NEBL: variants seen among roughly 807,000 people sequenced by gnomAD.
NEBL encodes nebulette.
NEBL carries 122 observed loss-of-function variants against 140.2 expected under a neutral mutation model. The observed-to-expected ratio is 0.87, with a 90% confidence interval of 0.75 to 1.01. The LOEUF is 1.01. Among genes scored for constraint, NEBL ranks in the 50% least tolerant of loss-of-function variants. NEBL has a pLI of 0.00. For missense variants in NEBL, 1,365 were observed against 1,231.3 expected (o/e 1.11, Z -1.62); for synonymous variants, 436 against 398.9 (o/e 1.09, Z -1.11).
chr10:20,845,331 C>A lies in NEBL; in HGVS notation c.1154G>T (p.Gly385Val). 6.2e-7 allele frequency: 1 copy of A among 1,603,950 alleles called. No individual in the cohort carries two copies. Among genetic ancestry groups the A allele is most frequent in the Non-Finnish European group, 8.5e-7 (1 of 1,171,226 alleles). Residue 385 changes from glycine (G) to valine (V), a missense_variant, in exon 12 of 28, where the codon GGA (glycine) becomes GTA (valine). Coordinates refer to ENST00000377122, the MANE Select transcript of NEBL (RefSeq NM_006393.3). ...CTTGTCTAAATCCAGTGATGACCTT[C>A]CTTTAATCTCCTTCTCAAAATCCTC... is the stretch of plus-strand genomic sequence containing the variant. ...YKEDFEKEIKGRSSLDLDKTP... is the reference protein window; with the variant it reads ...YKEDFEKEIKVRSSLDLDKTP...
chr10:21,194,502 T>C (rs1841619890), intron 3 of NEBL, among the ~76,000 whole-genome samples: 2 of 152,330 alleles, frequency 1.3e-5, no homozygotes, highest in Admixed American at 1.3e-4. Context: ...ACTGATCACC[T>C]TTAAAGAATT....
chr10:21,220,045 T>C (rs1460573922), intron 3 of NEBL, among the ~76,000 whole-genome samples: 1 of 152,100 alleles, frequency 6.6e-6, no homozygotes, highest in Non-Finnish European at 1.5e-5. Flanking sequence ...CCCAAGTAGC[T>C]GGGATTACAG....
chr10:20,808,634 G>C lies in NEBL; in HGVS notation c.2637C>G (p.His879Gln), dbSNP rs1837844110. The part of the protein sequence containing the change: ...LSEKASHYRR[H>Q]WSRSHSSSTF... ...TACTGCTGGAATGGGATCGAGACCAGTGTCGCCTATAGTGACTCGCCTTTT... is the reference window on the plus strand; with the variant it reads ...TACTGCTGGAATGGGATCGAGACCACTGTCGCCTATAGTGACTCGCCTTTT... Residue 879 changes from histidine (H) to glutamine (Q), a missense_variant, in exon 26 of 28, where the codon CAC (histidine) becomes CAG (glutamine). Physicochemically the swap from His to Gln is conservative, Grantham distance 24. Transcript: ENST00000377122. 6.2e-7 allele frequency: 1 copy of C among 1,613,334 alleles called. No homozygotes were observed.
At chr10:21,209,467 T>G (rs1201268566) in intron 3 of NEBL, among the ~76,000 whole-genome samples, 1 of 152,084 alleles carries the variant, frequency 6.6e-6, no homozygotes, top group East Asian at 1.9e-4. Flanking sequence ...ATTGCCCCTC[T>G]GAAAAAAGTC....
At chr10:20,860,368 T>C (rs995952067) in intron 7 of NEBL, among the ~76,000 whole-genome samples, 5 of 152,018 alleles carry the variant, frequency 3.3e-5, no homozygotes, top group East Asian at 1.9e-4. Context: ...CTTTCTCTGC[T>C]TTAATTCCAC....
At chr10:21,232,338 G>A (rs776529729) in intron 3 of NEBL, among the ~76,000 whole-genome samples, 1 of 152,164 alleles carries the variant, frequency 6.6e-6, no homozygotes, top group Non-Finnish European at 1.5e-5. Context: ...CCTGTTAAGT[G>A]GAACACAAAT....
intron 18 of NEBL, among the ~76,000 whole-genome samples, chr10:20,825,041 C>T (rs1277324084): frequency 6.6e-6 from 1 of 152,168 alleles, no homozygotes; most frequent in African/African-American, 2.4e-5. Flanking sequence ...AGCCTAGGTC[C>T]TCCTTACACT....
At chr10:20,933,518 G>A (rs1325264730) in intron 4 of NEBL, among the ~76,000 whole-genome samples, 1 of 152,140 alleles carries the variant, frequency 6.6e-6, no homozygotes, top group Non-Finnish European at 1.5e-5. Context: ...TGGATAACCT[G>A]AGGCCAGGAG....
intron 3 of NEBL, among the ~76,000 whole-genome samples, chr10:21,180,663 A>T (rs1400915732): frequency 5.9e-5 from 9 of 152,088 alleles, no homozygotes; most frequent in Non-Finnish European, 2.9e-5. Flanking sequence ...AAAATCAACA[A>T]TAACTCCTTC....
At chr10:21,027,301 TAA>T (rs35067415) in intron 2 of NEBL, among the ~76,000 whole-genome samples, 2 of 147,294 alleles carry the variant, frequency 1.4e-5, no homozygotes, top group Non-Finnish European at 3.0e-5. Context: ...GTATTATCTT[TAA>T]AAAAAAAACA....
intron 1 of NEBL, among the ~76,000 whole-genome samples, chr10:21,279,804 C>T (rs997902094): frequency 3.3e-5 from 5 of 149,610 alleles, no homozygotes; most frequent in African/African-American, 1.2e-4. Flanking sequence ...GTGGGCTGTA[C>T]AAAAACAAGC....
chr10:21,008,004 T>G (rs1276554709), intron 3 of NEBL, among the ~76,000 whole-genome samples: 1 of 152,230 alleles, frequency 6.6e-6, no homozygotes, highest in African/African-American at 2.4e-5. Flanking sequence ...CAGCAGTGAA[T>G]TAAATCATAC....
At chr10:21,089,551 G>A (rs940323206) in intron 2 of NEBL, among the ~76,000 whole-genome samples, 8 of 152,110 alleles carry the variant, frequency 5.3e-5, no homozygotes, top group Non-Finnish European at 1.0e-4. Context: ...GAGAGACCGA[G>A]AAGGAGGAGA....
intron 3 of NEBL, among the ~76,000 whole-genome samples, chr10:21,007,755 C>T (rs1206474848): frequency 6.6e-6 from 1 of 152,140 alleles, no homozygotes; most frequent in East Asian, 1.9e-4. Context: ...CAGGTAAAGC[C>T]TCTTGAATTA....
At position 21,277,019 on chromosome 10, in the gene NEBL, C is replaced by G. The variant is rs574034502; in HGVS notation, n.182+15811G>C. ...TGGTGCACACTTGTAGTTCCAGCTA[C>G]TTGGGAGGCTGAGGTAGAAGGTTCA... On this transcript the variant is annotated intron_variant and non_coding_transcript_variant, in intron 1 of 8. Transcript: ENST00000675702. 2.0e-5 allele frequency among the ~76,000 whole-genome samples: 3 copies of G among 151,788 alleles called. No individual in the cohort carries two copies. In the South Asian group the frequency reaches 6.2e-4, roughly 32 times the overall value.
In NEBL at chr10:21,288,818, GTGTATATATATATATATA is replaced by G. The variant is rs1296051554; in HGVS notation, n.182+3994_182+4011del. Among the ~76,000 whole-genome samples the G allele has an allele frequency of 1.2e-3, 39 of 32,668 alleles. 4 individuals are homozygous for G. Among genetic ancestry groups the G allele is most frequent in the South Asian group, 7.7e-3 (5 of 650 alleles). 21.4% of individuals were successfully genotyped at this position (32,668 alleles called of 152,430 possible). ...CATCTGACAATATATACGTGTGTGT[GTGTATATATATATATATA>G]TATATATATATATAAAAATTTTTTT... On this transcript the variant is annotated intron_variant and non_coding_transcript_variant, in intron 1 of 8. Transcript: ENST00000675702.
chr10:21,077,326 C>T (rs182388484), intron 2 of NEBL, among the ~76,000 whole-genome samples: 4 of 152,234 alleles, frequency 2.6e-5, no homozygotes, highest in African/African-American at 4.8e-5. Flanking sequence ...TTTTGCTGGC[C>T]GGGCGCAGTG....
intron 2 of NEBL, among the ~76,000 whole-genome samples, chr10:21,162,590 T>G (rs540630053): frequency 6.6e-6 from 1 of 152,176 alleles, no homozygotes; most frequent in Non-Finnish European, 1.5e-5. Context: ...GGAGCAAAGC[T>G]CTTGCAGGCT....
rs550317263 is a variant in NEBL, at chr10:21,281,957, G to A, written n.182+10873C>T. Among the ~76,000 whole-genome samples, 18 of 152,270 alleles carry A rather than the reference G, an allele frequency of 1.2e-4. No individual in the cohort carries two copies. The South Asian group carries it at 3.1e-3, about 26-fold the overall frequency. The stretch of plus-strand genomic sequence containing the variant: ...TCCTTTCTTTTTAAGTAATACACGT[G>A]AAGGTACAACAAACAAAAGATGCAA... On this transcript the variant is annotated intron_variant and non_coding_transcript_variant, in intron 1 of 8. Coordinates refer to the NEBL transcript ENST00000675702.
Sources: gnomAD v4.1 joint callset for allele counts (sites outside exome capture counted in the v4.1 genomes callset) on GRCh38, gnomAD v4.1.1 for gene constraint, MANE v1.5 for transcripts, NCBI Gene and HGNC (gene_info 2026-07-23, HGNC 2026-07-21) for gene names.